LYRM1: variants seen among roughly 807,000 people sequenced by gnomAD.
LYRM1 encodes the protein LYR motif containing 1, also known as LYR motif-containing protein 1.
LYRM1 carries 14 observed loss-of-function variants against 14.9 expected under a neutral mutation model. The ratio of observed to expected loss-of-function variants is 0.94; its 90% CI spans 0.62 to 1.47. The LOEUF is 1.47. Among genes scored for constraint, LYRM1 ranks in the 40% most tolerant of loss-of-function variants. LYRM1 has a pLI of 0.00. For synonymous variants in LYRM1, 43 were observed against 56.2 expected (o/e 0.77, Z 1.05); for missense variants, 153 against 149.9 (o/e 1.02, Z -0.11).
Position 20,924,711 on chromosome 16 carries a change from C to G in LYRM1, c.*595C>G, listed in dbSNP as rs966160642. On this transcript the variant is annotated 3_prime_UTR_variant, in exon 4 of 4. Coordinates refer to ENST00000567954, the MANE Select transcript of LYRM1 (RefSeq NM_001128302.3). ...AATGCATATATTCCTTATCTTAAAGCCTGTCATTACTTAGGATGCACTTAT... is the reference window on the plus strand; with the variant it reads ...AATGCATATATTCCTTATCTTAAAGGCTGTCATTACTTAGGATGCACTTAT... 4 of 152,110 alleles carry G rather than the reference C, an allele frequency of 2.6e-5. No individual in the cohort carries two copies. Among genetic ancestry groups the G allele is most frequent in the Admixed American group, 6.6e-5 (1 of 15,262 alleles). The allele number at this position is 152,110 out of a possible 1,614,324, so 9.4% of individuals were successfully genotyped here. A position where few individuals can be genotyped will look rare whatever the true frequency, so the allele number is the denominator to read the frequency against.
chr16:20,907,665 T>C (rs979534134), intron 1 of LYRM1, among the ~76,000 whole-genome samples: 2 of 152,138 alleles, frequency 1.3e-5, no homozygotes, highest in African/African-American at 4.8e-5. Flanking sequence ...CCCTGCCTCA[T>C]GTTCATCTTT....
At chr16:20,910,145 A>G (rs2082518384) in intron 1 of LYRM1, among the ~76,000 whole-genome samples, 1 of 152,208 alleles carries the variant, frequency 6.6e-6, no homozygotes, top group Admixed American at 6.5e-5. Context: ...CTAGAAAGAG[A>G]AAACTGCATG....
rs373966310 is a variant in LYRM1, at chr16:20,920,228, C to G, written c.252+14C>G. 1 of 1,582,526 alleles carries G rather than the reference C, an allele frequency of 6.3e-7. No homozygotes were observed. The highest frequency in any genetic ancestry group is 2.2e-5 in the East Asian group (1 of 44,736). ...TACCCAAGGCCAGTAAGTGTGACTC[C>G]GGTTAACAAGTGCTGGGTACTTACC... On this transcript the variant is annotated intron_variant, in intron 3 of 3. Coordinates refer to ENST00000567954, the MANE Select transcript of LYRM1 (RefSeq NM_001128302.3).
At chr16:20,904,105 C>G (rs2082199044) in intron 1 of LYRM1, among the ~76,000 whole-genome samples, 1 of 152,136 alleles carries the variant, frequency 6.6e-6, no homozygotes, top group South Asian at 2.1e-4. Context: ...CTGACCCGTA[C>G]CTTTTCTTTG....
At chr16:20,923,286 G>A (rs935918533) in intron 3 of LYRM1, among the ~76,000 whole-genome samples, 2 of 152,028 alleles carry the variant, frequency 1.3e-5, no homozygotes, top group Non-Finnish European at 2.9e-5. Context: ...GATCACTTGA[G>A]GTCAGGAATT....
chr16:20,911,965 C>T (rs1165078717), intron 1 of LYRM1, among the ~76,000 whole-genome samples: 1 of 151,904 alleles, frequency 6.6e-6, no homozygotes, highest in Non-Finnish European at 1.5e-5. Context: ...CTCTGTCACC[C>T]AGGCTGGAGT....
At chr16:20,918,872 C>G (rs1481003694) in intron 2 of LYRM1, among the ~76,000 whole-genome samples, 1 of 152,206 alleles carries the variant, frequency 6.6e-6, no homozygotes, top group Non-Finnish European at 1.5e-5. Context: ...CCACAAGGGA[C>G]TCACAGCTGT....
At chr16:20,913,066 CAAA>C (rs1293560147) in intron 1 of LYRM1, among the ~76,000 whole-genome samples, 68 of 114,396 alleles carry the variant, frequency 5.9e-4, no homozygotes, top group Non-Finnish European at 5.3e-4. Context: ...AACTCTGTCT[CAAA>C]AATAATAATA....
At chr16:20,916,253 T>C (rs893520629) in intron 2 of LYRM1, among the ~76,000 whole-genome samples, 1 of 152,000 alleles carries the variant, frequency 6.6e-6, no homozygotes, top group Non-Finnish European at 1.5e-5. Flanking sequence ...TAAAATAGTG[T>C]CTCCATTAGC....
rs1243384815 is a variant in LYRM1, at chr16:20,901,126, T to C, written c.-1+237T>C. The C allele has an allele frequency of 6.6e-6, 1 of 152,152 alleles. No homozygotes were observed. The highest frequency in any genetic ancestry group is 2.4e-5 in the African/African-American group (1 of 41,392). The allele number at this position is 152,152 out of a possible 1,614,324, so 9.4% of individuals were successfully genotyped here. A position where few individuals can be genotyped will look rare whatever the true frequency, so the allele number is the denominator to read the frequency against. On this transcript the variant is annotated intron_variant, in intron 1 of 3. Transcript: ENST00000567954. This position sits in a 1 kb window ranked among gnomAD's most constrained non-coding sequence, Gnocchi z 4.6. ...GAGGCCTGGTGTGGGGACGCTCAGG[T>C]GCCGGCGTGGGGCCCCCTCGGAGGC... is the stretch of plus-strand genomic sequence containing the variant.
chr16:20,917,498 G>T lies in LYRM1; in HGVS notation c.159+1784G>T, dbSNP rs1046211845. On this transcript the variant is annotated intron_variant, in intron 2 of 3. Coordinates refer to ENST00000567954, the MANE Select transcript of LYRM1 (RefSeq NM_001128302.3). ...TGATTGGCCAGGTGTGGTGGCTCAC[G>T]CCTATAATCCTTACACTTTGGGAGG... Among the ~76,000 whole-genome samples, 9 of 152,178 alleles carry T rather than the reference G, an allele frequency of 5.9e-5. No homozygotes were observed. The East Asian group carries it at 1.7e-3, about 29-fold the overall frequency.
intron 1 of LYRM1, among the ~76,000 whole-genome samples, chr16:20,914,345 A>G (rs1426855687): frequency 1.4e-5 from 2 of 145,774 alleles, no homozygotes. Context: ...CTGGAGTGCA[A>G]TGGTGCAATC....
rs560314639 is a variant in LYRM1 at position 20,920,431 on chromosome 16, G to A, written c.252+217G>A. ...GTATCCTGCTTACATAGCTTTCCAC[G>A]TATGGAAGGGAAAACCAGCTCACAC... On this transcript the variant is annotated intron_variant, in intron 3 of 3. Coordinates refer to ENST00000567954, the MANE Select transcript of LYRM1 (RefSeq NM_001128302.3). 6.3e-4 allele frequency: 314 copies of A among 501,562 alleles called. 2 individuals are homozygous for A. The highest frequency in any genetic ancestry group is 9.6e-4 in the Non-Finnish European group (270 of 281,592). The allele number at this position is 501,562 out of a possible 1,614,324, so 31.1% of individuals were successfully genotyped here. A position where few individuals can be genotyped will look rare whatever the true frequency, so the allele number is the denominator to read the frequency against.
chr16:20,922,347 G>A (rs563829469), intron 3 of LYRM1, among the ~76,000 whole-genome samples: 2 of 152,064 alleles, frequency 1.3e-5, no homozygotes, highest in African/African-American at 4.8e-5. Context: ...ATTGTGTTAG[G>A]GTTCTTCAAA....
chr16:20,919,245 T>C (rs1255388742), intron 2 of LYRM1, among the ~76,000 whole-genome samples: 1 of 152,144 alleles, frequency 6.6e-6, no homozygotes, highest in Admixed American at 6.5e-5. Context: ...GTTTAAGAGG[T>C]GTAGATCATT....
chr16:20,915,746 G>A, intron 2 of LYRM1, 32 bp downstream of exon 2: 1 of 1,605,946 alleles, frequency 6.2e-7, no homozygotes, highest in Admixed American at 1.7e-5. Flanking sequence ...ATTGTGCAGA[G>A]GAGAGTTGTT....
chr16:20,922,012 A>G (rs2083218643), intron 3 of LYRM1: 1 of 148,700 alleles, frequency 6.7e-6, no homozygotes, highest in East Asian at 2.0e-4. Context: ...TTTTTTTGAG[A>G]CAGAGCCTCA....
intron 1 of LYRM1, among the ~76,000 whole-genome samples, chr16:20,910,025 A>AT (rs1377571122): frequency 6.6e-6 from 1 of 152,140 alleles, no homozygotes; most frequent in Non-Finnish European, 1.5e-5. Flanking sequence ...CCCCAACCCA[A>AT]TGGGTGTGAG....
chr16:20,905,851 T>G (rs1234717863), intron 1 of LYRM1, among the ~76,000 whole-genome samples: 3 of 152,208 alleles, frequency 2.0e-5, no homozygotes, highest in African/African-American at 7.2e-5. Context: ...ACACTGCTCT[T>G]GAAAGCATCC....
Sources: allele counts gnomAD v4.1 joint callset (sites outside exome capture counted in the v4.1 genomes callset), GRCh38; gene constraint gnomAD v4.1.1; non-coding constraint Gnocchi (gnomAD v3.1); transcripts MANE v1.5; gene names NCBI Gene and HGNC (gene_info 2026-07-23, HGNC 2026-07-21).